VAMP7: variants seen among roughly 807,000 people sequenced by gnomAD.
VAMP7 encodes the protein vesicle associated membrane protein 7.
VAMP7 carries 14 observed loss-of-function variants against 29.6 expected under a neutral mutation model. That is an observed-to-expected ratio of 0.47 (90% confidence interval 0.31 to 0.74). VAMP7 has a LOEUF of 0.74. Among genes scored for constraint, VAMP7 ranks in the 30% least tolerant of loss-of-function variants. The pLI is 0.05. For missense variants in VAMP7, 223 were observed against 262.4 expected (o/e 0.85, Z 1.04); for synonymous variants, 95 against 88.1 (o/e 1.08, Z -0.44).
chrX:155,899,641 A>G (rs1293222463), intron 4 of VAMP7, among the ~76,000 whole-genome samples: 3 of 152,004 alleles, frequency 2.0e-5, no homozygotes, highest in Admixed American at 6.6e-5. Context: ...GGTTTGTTTC[A>G]TACTCCCCAC....
chrX:155,936,082 C>CA (rs1556355895), intron 6 of VAMP7, among the ~76,000 whole-genome samples: 40 of 152,140 alleles, frequency 2.6e-4, no homozygotes, highest in African/African-American at 8.9e-4. Flanking sequence ...GAGGGGTACC[C>CA]GCCGTGTGAG....
At chrX:155,895,595 A>C (rs1168368196) in intron 2 of VAMP7, 28 bp from the exon 3 acceptor site, 1 of 1,557,490 alleles carries the variant, frequency 6.4e-7, no homozygotes, top group Non-Finnish European at 8.9e-7. Context: ...TTATAACCAC[A>C]GTAAGTTTTA....
At chrX:155,934,839 GT>G in intron 6 of VAMP7, among the ~76,000 whole-genome samples, 1 of 151,452 alleles carries the variant, frequency 6.6e-6, no homozygotes, top group South Asian at 2.1e-4. Flanking sequence ...TGGCTGGTAT[GT>G]GTTGTTCCTT....
chrX:155,918,367 C>T (rs750007938), intron 5 of VAMP7, among the ~76,000 whole-genome samples: 1 of 152,036 alleles, frequency 6.6e-6, no homozygotes, highest in Non-Finnish European at 1.5e-5. Flanking sequence ...AAAAAAAACT[C>T]CTGCAGCTAG....
intron 6 of VAMP7, among the ~76,000 whole-genome samples, chrX:155,928,322 C>T (rs1235584213): frequency 6.6e-6 from 1 of 152,162 alleles, no homozygotes; most frequent in East Asian, 1.9e-4. Context: ...TTATCACAAA[C>T]TTGGTGGCTT....
At chrX:155,926,920 G>A (rs2066475724) in intron 6 of VAMP7, among the ~76,000 whole-genome samples, 1 of 152,098 alleles carries the variant, frequency 6.6e-6, no homozygotes, top group Non-Finnish European at 1.5e-5. Flanking sequence ...AGAATAGCTG[G>A]TCAGTGAACA....
intron 6 of VAMP7, among the ~76,000 whole-genome samples, chrX:155,935,458 A>C (rs1036392837): frequency 2.0e-5 from 3 of 152,040 alleles, no homozygotes; most frequent in African/African-American, 7.2e-5. Flanking sequence ...TTTGGTCTTC[A>C]ATCACGGATA....
chrX:155,927,634 TTC>T (rs2066489470), intron 6 of VAMP7, among the ~76,000 whole-genome samples: 1 of 151,980 alleles, frequency 6.6e-6, no homozygotes, highest in African/African-American at 2.4e-5. Flanking sequence ...ACTGAAGAAG[TTC>T]TTTTATTGTT....
intron 3 of VAMP7, among the ~76,000 whole-genome samples, chrX:155,896,813 C>T (rs1209680441): frequency 6.6e-6 from 1 of 152,100 alleles, no homozygotes; most frequent in East Asian, 1.9e-4. Flanking sequence ...ATCAGGGTTC[C>T]TAATCTTTAT....
At chrX:155,909,400 A>C (rs113966114) in intron 5 of VAMP7, among the ~76,000 whole-genome samples, 12 of 151,926 alleles carry the variant, frequency 7.9e-5, no homozygotes, top group Non-Finnish European at 1.2e-4. Flanking sequence ...AGGTTTGTCA[A>C]TTTTATTGAT....
At chrX:155,895,594 C>A in intron 2 of VAMP7, 29 bp from the exon 3 acceptor site, 1 of 1,551,952 alleles carries the variant, frequency 6.4e-7, no homozygotes, top group Non-Finnish European at 8.9e-7. Context: ...CTTATAACCA[C>A]AGTAAGTTTT....
intron 5 of VAMP7, among the ~76,000 whole-genome samples, chrX:155,915,206 A>T (rs955909828): frequency 6.6e-6 from 1 of 152,030 alleles, no homozygotes; most frequent in African/African-American, 2.4e-5. Flanking sequence ...ATCAGTGGTG[A>T]TACCCCCTTT....
At chrX:155,893,284 A>T (rs1003796849) in intron 2 of VAMP7, among the ~76,000 whole-genome samples, 2 of 152,126 alleles carry the variant, frequency 1.3e-5, no homozygotes, top group Admixed American at 1.3e-4. Context: ...ACAGTAGTGT[A>T]GGTAGTCCTG....
chrX:155,929,269 A>G (rs962367118), intron 6 of VAMP7, among the ~76,000 whole-genome samples: 20 of 152,210 alleles, frequency 1.3e-4, no homozygotes, highest in Non-Finnish European at 2.8e-4. Flanking sequence ...AGCAGCAGTT[A>G]CAAGTAGGTT....
rs1022322237 is a variant in VAMP7 at position 155,889,528 on chromosome X, G to A, written c.62G>A (p.Cys21Tyr). 30 of 1,613,812 alleles carry A rather than the reference G, an allele frequency of 1.9e-5. No homozygotes were observed. The highest frequency in any genetic ancestry group is 2.2e-5 in the Non-Finnish European group (26 of 1,179,868). Residue 21 changes from cysteine (C) to tyrosine (Y), a missense_variant, in exon 2 of 8, where the codon TGT (cysteine) becomes TAT (tyrosine). Physicochemically the swap from Cys to Tyr is radical, Grantham distance 194. Coordinates refer to ENST00000286448, the MANE Select transcript of VAMP7 (RefSeq NM_005638.6). ...GTTILAKHAW[C>Y]GGNFLEVTEQ... Reference sequence around the variant, plus strand: ...ACTATCCTTGCCAAACATGCTTGGTGTGGAGGAAACTTCCTGGAGGTGACA... The same window carrying A: ...ACTATCCTTGCCAAACATGCTTGGTATGGAGGAAACTTCCTGGAGGTGACA...
intron 2 of VAMP7, among the ~76,000 whole-genome samples, chrX:155,894,301 G>GT (rs1195549080): frequency 0.05 from 3,259 of 64,906 alleles, 65 homozygotes; most frequent in East Asian, 0.17. Flanking sequence ...TGTGTCCTTT[G>GT]TTTTTTTTTT....
At chrX:155,886,399 T>G (rs1306086941) in intron 1 of VAMP7, among the ~76,000 whole-genome samples, 2 of 152,200 alleles carry the variant, frequency 1.3e-5, no homozygotes, top group Non-Finnish European at 2.9e-5. Context: ...AAAGTTTCTG[T>G]TGCTATGTAC....
chrX:155,942,513 A>C lies in VAMP7; in HGVS notation c.*562A>C. On this transcript the variant is annotated 3_prime_UTR_variant, in exon 8 of 8. Coordinates refer to ENST00000286448, the MANE Select transcript of VAMP7 (RefSeq NM_005638.6). ...CATTCTTATTTCAGTTAGATGGGGAACATTTTGCTAGCCCATTAGAAGCAC... is the reference window on the plus strand; with the variant it reads ...CATTCTTATTTCAGTTAGATGGGGACCATTTTGCTAGCCCATTAGAAGCAC... 8.6e-6 allele frequency: 2 copies of C among 231,702 alleles called. No individual in the cohort carries two copies. Among genetic ancestry groups the C allele is most frequent in the Non-Finnish European group, 8.5e-6 (1 of 117,826 alleles). 14.4% of individuals were successfully genotyped at this position (231,702 alleles called of 1,614,324 possible). A position where few individuals can be genotyped will look rare whatever the true frequency, so the allele number is the denominator to read the frequency against.
chrX:155,941,313 A>G (rs1207918760), intron 7 of VAMP7, among the ~76,000 whole-genome samples: 2 of 152,184 alleles, frequency 1.3e-5, no homozygotes, highest in African/African-American at 2.4e-5. Flanking sequence ...TAATAGCACC[A>G]GTATTTTTGC....
Sources: allele counts gnomAD v4.1 joint callset (sites outside exome capture counted in the v4.1 genomes callset), GRCh38; gene constraint gnomAD v4.1.1; transcripts MANE v1.5; gene names NCBI Gene and HGNC (gene_info 2026-07-23, HGNC 2026-07-21).